Variants in CDK19 observed in about 807,000 individuals in gnomAD.
The protein encoded by CDK19 is cyclin dependent kinase 19.
Under a neutral mutation model 68.3 loss-of-function variants are expected in CDK19, and 20 were observed. The ratio of observed to expected loss-of-function variants is 0.29; its 90% CI spans 0.21 to 0.43. The LOEUF (loss-of-function observed/expected upper bound fraction) is 0.43, where lower values mean the gene tolerates loss of function less well. Among genes scored for constraint, CDK19 ranks in the 20% least tolerant of loss-of-function variants. CDK19 has a pLI of 1.00. For synonymous variants in CDK19, 221 were observed against 222.8 expected, an observed-to-expected ratio of 0.99 and a Z score of 0.07; for missense variants, 339 against 623.5, an observed-to-expected ratio of 0.54 and a Z score of 4.86.
intron 4 of CDK19, among the ~76,000 whole-genome samples, chr6:110,651,105 G>A (rs1780934340): frequency 6.6e-6 from 1 of 152,188 alleles, no homozygotes; most frequent in African/African-American, 2.4e-5. Context: ...GGGTTGGGAA[G>A]GGGGTTGTCA....
chr6:110,798,628 G>GGAAAAAA (rs1782117906), intron 1 of CDK19, among the ~76,000 whole-genome samples: 1 of 56,744 alleles, frequency 1.8e-5, no homozygotes, highest in Non-Finnish European at 3.7e-5. Context: ...TCTGTCTCCA[G>GGAAAAAA]AAAAAAAAAA....
intron 4 of CDK19, among the ~76,000 whole-genome samples, chr6:110,647,717 AAC>A (rs1780700335): frequency 6.6e-6 from 1 of 152,240 alleles, no homozygotes; most frequent in Non-Finnish European, 1.5e-5. Context: ...CAAAATTTTC[AAC>A]AGATTGTTTC....
rs1166710884 is a variant in CDK19, at chr6:110,634,021, T to C, written c.515-1860A>G. On this transcript the variant is annotated intron_variant, in intron 5 of 12. Transcript: ENST00000368911. Reference sequence around the variant, plus strand: ...GCCTCTATAATTTGAATACATAATATACATAACAAATGTTGATTGTATAAG... The same window carrying C: ...GCCTCTATAATTTGAATACATAATACACATAACAAATGTTGATTGTATAAG... 2.0e-5 allele frequency among the ~76,000 whole-genome samples: 3 copies of C among 152,304 alleles called. No homozygotes were observed. In the East Asian group the frequency reaches 5.8e-4, roughly 29 times the overall value.
intron 1 of CDK19, among the ~76,000 whole-genome samples, chr6:110,798,736 A>T (rs972272199): frequency 6.6e-6 from 1 of 152,060 alleles, no homozygotes; most frequent in African/African-American, 2.4e-5. Context: ...AAAAATTCTT[A>T]ATATTTAAGT....
intron 1 of CDK19, among the ~76,000 whole-genome samples, chr6:110,789,532 C>A (rs1781455383): frequency 6.6e-6 from 1 of 152,182 alleles, no homozygotes; most frequent in African/African-American, 2.4e-5. Flanking sequence ...CCGCCTCGGC[C>A]TCCCAAAGTG....
At chr6:110,752,168 A>C (rs896882346) in intron 1 of CDK19, among the ~76,000 whole-genome samples, 9 of 152,196 alleles carry the variant, frequency 5.9e-5, no homozygotes, top group African/African-American at 2.2e-4. Flanking sequence ...ATTTGGAAAC[A>C]GTATTCTTTA....
intron 1 of CDK19, among the ~76,000 whole-genome samples, chr6:110,763,547 C>T (rs905070397): frequency 6.6e-6 from 1 of 151,696 alleles, no homozygotes; most frequent in Admixed American, 6.6e-5. Flanking sequence ...TCCCGAGTAG[C>T]TGGGATTACA....
chr6:110,743,725 C>T (rs1777854140), intron 2 of CDK19, among the ~76,000 whole-genome samples: 1 of 152,084 alleles, frequency 6.6e-6, no homozygotes, highest in African/African-American at 2.4e-5. Flanking sequence ...TAAAGACACA[C>T]ATGCCCATGG....
intron 1 of CDK19, among the ~76,000 whole-genome samples, chr6:110,748,140 T>C (rs1778207334): frequency 1.3e-5 from 2 of 152,348 alleles, no homozygotes; most frequent in South Asian, 2.1e-4. Context: ...CTAGACAAAG[T>C]AGTCCAGAAG....
intron 5 of CDK19, among the ~76,000 whole-genome samples, chr6:110,638,195 CT>C (rs538848874): frequency 9.0e-4 from 137 of 152,170 alleles, no homozygotes; most frequent in African/African-American, 3.2e-3. Flanking sequence ...TATGTTAGTA[CT>C]TGGTGCAAGA....
chr6:110,735,414 A>T (rs1433802416), intron 2 of CDK19, among the ~76,000 whole-genome samples: 2 of 152,196 alleles, frequency 1.3e-5, no homozygotes, highest in Non-Finnish European at 2.9e-5. Flanking sequence ...TTAATAATTT[A>T]TTAACAGCCC....
chr6:110,676,441 T>C (rs953426906), intron 2 of CDK19, among the ~76,000 whole-genome samples: 1 of 152,236 alleles, frequency 6.6e-6, no homozygotes, highest in African/African-American at 2.4e-5. Context: ...GACTCAAATT[T>C]TGAAAGAAGT....
intron 4 of CDK19, among the ~76,000 whole-genome samples, chr6:110,640,084 G>T (rs1401503173): frequency 6.6e-6 from 1 of 151,936 alleles, no homozygotes; most frequent in Non-Finnish European, 1.5e-5. Flanking sequence ...AGCCTAGTGT[G>T]GTGGCATGCA....
At chr6:110,643,612 A>C (rs180984161) in intron 4 of CDK19, among the ~76,000 whole-genome samples, 32 of 152,358 alleles carry the variant, frequency 2.1e-4, no homozygotes, top group Non-Finnish European at 3.4e-4. Flanking sequence ...ACAACAACAA[A>C]AAAGTTTTCA....
chr6:110,798,580 G>A (rs1344116952), intron 1 of CDK19, among the ~76,000 whole-genome samples: 2 of 145,594 alleles, frequency 1.4e-5, no homozygotes, highest in Non-Finnish European at 3.0e-5. Context: ...AGCCAAGATC[G>A]CGACATCGCA....
chr6:110,815,269 C>CTCTCGCGCGCGCG lies in CDK19; in HGVS notation c.-134_-133insCGCGCGCGCGAGA. On this transcript the variant is annotated 5_prime_UTR_variant, in exon 1 of 13. Transcript: ENST00000368911. Reference sequence around the variant, plus strand: ...CGCGCGCGCGCGCGCCGCCCGCCGCCCGCCGCTCCGCGGTCCGCCTTCAGC... The same window carrying CTCTCGCGCGCGCG: ...CGCGCGCGCGCGCGCCGCCCGCCGCCTCTCGCGCGCGCGCGCCGCTCCGCGGTCCGCCTTCAGC... 1 of 1,055,638 alleles carries CTCTCGCGCGCGCG rather than the reference C, an allele frequency of 9.5e-7. No individual in the cohort carries two copies. Among genetic ancestry groups the CTCTCGCGCGCGCG allele is most frequent in the Non-Finnish European group, 1.2e-6 (1 of 804,696 alleles). The allele number at this position is 1,055,638 out of a possible 1,614,324, so 65.4% of individuals were successfully genotyped here.
chr6:110,808,068 A>C (rs1782806883), intron 1 of CDK19, among the ~76,000 whole-genome samples: 1 of 152,222 alleles, frequency 6.6e-6, no homozygotes, highest in African/African-American at 2.4e-5. Flanking sequence ...AAGACATAAC[A>C]GTTTTCCTAT....
chr6:110,695,280 T>C (rs1207127044), intron 2 of CDK19, among the ~76,000 whole-genome samples: 3 of 152,152 alleles, frequency 2.0e-5, no homozygotes, highest in Non-Finnish European at 4.4e-5. Context: ...GAAATCAAGA[T>C]GAAAATTTAA....
chr6:110,669,912 C>G (rs1770855497), intron 3 of CDK19, among the ~76,000 whole-genome samples: 1 of 151,848 alleles, frequency 6.6e-6, no homozygotes, highest in South Asian at 2.1e-4. Flanking sequence ...AATTCCAGCA[C>G]TTTGGGAGGC....
Sources: gnomAD v4.1 joint callset for allele counts (sites outside exome capture counted in the v4.1 genomes callset) on GRCh38, gnomAD v4.1.1 for gene constraint, MANE v1.5 for transcripts, NCBI Gene and HGNC (gene_info 2026-07-23, HGNC 2026-07-21) for gene names.